UBN2: variants seen among roughly 807,000 people sequenced by gnomAD.
The protein encoded by UBN2 is ubinuclein 2, also known as ubinuclein-2.
A neutral mutation model predicts 120.2 loss-of-function variants in UBN2; 35 were observed. The ratio of observed to expected loss-of-function variants is 0.29; its 90% CI spans 0.22 to 0.39. UBN2 has a LOEUF of 0.39. Ranked by LOEUF, UBN2 falls within the 10% of genes least tolerant of loss-of-function variation. The probability of loss-of-function intolerance (pLI) is 1.00; values close to 1 mark genes in which losing one functional copy is unlikely to be tolerated. For missense variants in UBN2, 1,693 were observed against 1,663.2 expected, an observed-to-expected ratio of 1.02 and a Z score of -0.31; for synonymous variants, 661 against 648.7, an observed-to-expected ratio of 1.02 and a Z score of -0.29.
chr7:139,262,713 C>CAAA (rs745935446), intron 6 of UBN2, among the ~76,000 whole-genome samples: 1 of 82,028 alleles, frequency 1.2e-5, no homozygotes, highest in Admixed American at 1.2e-4. Context: ...GACTCCATCT[C>CAAA]AAAAAAAAAA....
intron 2 of UBN2, among the ~76,000 whole-genome samples, chr7:139,246,692 C>G (rs1336042925): frequency 6.6e-6 from 1 of 152,176 alleles, no homozygotes; most frequent in African/African-American, 2.4e-5. Flanking sequence ...AGAAAATTCC[C>G]TTTACAGACA....
chr7:139,277,864 AT>A (rs1797490552), intron 12 of UBN2: 2 of 152,230 alleles, frequency 1.3e-5, no homozygotes, highest in African/African-American at 4.8e-5. Context: ...CTATACATAC[AT>A]TCCTATAATA....
At chr7:139,248,103 C>A (rs944161536) in intron 2 of UBN2, among the ~76,000 whole-genome samples, 2 of 152,142 alleles carry the variant, frequency 1.3e-5, no homozygotes, top group Non-Finnish European at 2.9e-5. Context: ...ACATTTCATA[C>A]TTAAATTCTG....
chr7:139,241,996 TC>T (rs1005912270), intron 2 of UBN2, among the ~76,000 whole-genome samples: 31 of 148,672 alleles, frequency 2.1e-4, no homozygotes, highest in African/African-American at 3.0e-4. Flanking sequence ...AGAATCCAGC[TC>T]CCCCCCCCAA....
chr7:139,314,480 G>A, the UBN2 span, among the ~76,000 whole-genome samples: 2 of 151,680 alleles, frequency 1.3e-5, no homozygotes. Context: ...TGTATTTGTA[G>A]GATTACTTAT....
At position 139,231,528 on chromosome 7, in the gene UBN2, T is replaced by C; in HGVS notation, c.44T>C (p.Val15Ala). ...GTAGCGTTCATTAGCTTGTCACCGG[T>C]GCGGCGGCGCGAGGCCGAGTACCCG... ...RRVAFISLSP[V>A]RRREAEYPGP... The change falls in exon 1 of 18, where the codon GTG becomes GCG. Residue 15 changes from valine (V) to alanine (A), a missense_variant. This residue lies in a region of UBN2 where 663 missense variants were observed against 591.2 expected (regional missense o/e 1.12). Transcript: ENST00000473989. 2.1e-6 allele frequency: 3 copies of C among 1,418,940 alleles called. No homozygotes were observed. The highest frequency in any genetic ancestry group is 5.4e-5 in the Admixed American group (2 of 36,964). 87.9% of individuals were successfully genotyped at this position (1,418,940 alleles called of 1,614,324 possible).
At chr7:139,290,224 G>A (rs777618968) in intron 15 of UBN2, among the ~76,000 whole-genome samples, 27 of 152,130 alleles carry the variant, frequency 1.8e-4, no homozygotes, top group Non-Finnish European at 3.2e-4. Context: ...ATGAGCCACC[G>A]TGCCTTGCCA....
intron 3 of UBN2, among the ~76,000 whole-genome samples, chr7:139,252,289 A>G (rs897778447): frequency 9.9e-5 from 15 of 152,004 alleles, no homozygotes; most frequent in African/African-American, 2.7e-4. Context: ...CATTGTTAAA[A>G]TAGACCAAGT....
At chr7:139,238,859 TATTTA>T (rs1796234003) in intron 2 of UBN2, among the ~76,000 whole-genome samples, 1 of 152,200 alleles carries the variant, frequency 6.6e-6, no homozygotes, top group Non-Finnish European at 1.5e-5. Context: ...AGCATTGTAG[TATTTA>T]ATTACAGTGT....
the UBN2 span, among the ~76,000 whole-genome samples, chr7:139,316,096 AAAAAAAAAAAAG>A: frequency 3.6e-3 from 504 of 141,194 alleles, 24 homozygotes; most frequent in Non-Finnish European, 5.0e-3. Flanking sequence ...AAAAAAAAAA[AAAAAAAAAAAAG>A]GGGTTCCAGT....
At chr7:139,293,563 A>G in intron 16 of UBN2, 100 bp downstream of exon 16, 3 of 988,398 alleles carry the variant, frequency 3.0e-6, no homozygotes, top group Non-Finnish European at 2.9e-6. Context: ...GGAGTTAATG[A>G]AGATTATAGT....
intron 1 of UBN2, among the ~76,000 whole-genome samples, chr7:139,234,432 C>T (rs1434741728): frequency 6.6e-6 from 1 of 152,178 alleles, no homozygotes; most frequent in South Asian, 2.1e-4. Flanking sequence ...TTTCTATGCT[C>T]TATTTGTATT....
chr7:139,293,550 G>T, intron 16 of UBN2, 87 bp downstream of exon 16: 10 of 1,023,290 alleles, frequency 9.8e-6, no homozygotes, highest in Non-Finnish European at 1.3e-5. Context: ...GAGTAGTCCA[G>T]TTGGAGTTAA....
chr7:139,239,315 G>A (rs1475944014), intron 2 of UBN2, among the ~76,000 whole-genome samples: 1 of 151,814 alleles, frequency 6.6e-6, no homozygotes, highest in Non-Finnish European at 1.5e-5. Context: ...TCATTGCATG[G>A]AACTATCACA....
chr7:139,323,283 G>A, the UBN2 span, among the ~76,000 whole-genome samples: 9 of 151,956 alleles, frequency 5.9e-5, no homozygotes, highest in Admixed American at 2.0e-4. Context: ...GTGAAACCTC[G>A]TCTCTACCAA....
At chr7:139,253,987 A>ATAATATT (rs1796689584) in intron 3 of UBN2, among the ~76,000 whole-genome samples, 1 of 152,126 alleles carries the variant, frequency 6.6e-6, no homozygotes, top group Non-Finnish European at 1.5e-5. Flanking sequence ...ATTCTGTCAA[A>ATAATATT]CTCCTAAGTT....
At chr7:139,265,013 C>T (rs1177870569) in intron 6 of UBN2, among the ~76,000 whole-genome samples, 7 of 152,084 alleles carry the variant, frequency 4.6e-5, no homozygotes, top group Non-Finnish European at 1.0e-4. Context: ...TATCTTTATA[C>T]CAGGAACATT....
intron 6 of UBN2, among the ~76,000 whole-genome samples, chr7:139,263,323 A>G (rs1207246912): frequency 2.6e-5 from 4 of 152,208 alleles, no homozygotes; most frequent in Admixed American, 2.6e-4. Context: ...TTGCATACCA[A>G]GGATACAAAG....
chr7:139,252,466 G>T (rs1360699413), intron 3 of UBN2, among the ~76,000 whole-genome samples: 3 of 152,132 alleles, frequency 2.0e-5, no homozygotes, highest in Non-Finnish European at 4.4e-5. Flanking sequence ...TCTATGGTCT[G>T]TGAAATTTAA....
Sources: allele counts gnomAD v4.1 joint callset (sites outside exome capture counted in the v4.1 genomes callset), GRCh38; gene constraint gnomAD v4.1.1; regional missense constraint gnomAD v4.1.1; transcripts MANE v1.5; gene names NCBI Gene and HGNC (gene_info 2026-07-23, HGNC 2026-07-21).